The following HS3ST3A1 variants were observed in gnomAD, a reference collection of about 807,000 sequenced individuals.
HS3ST3A1 encodes heparan sulfate-glucosamine 3-sulfotransferase 3A1.
HS3ST3A1 carries 19 observed loss-of-function variants against 25.7 expected under a neutral mutation model. The ratio of observed to expected loss-of-function variants is 0.74; its 90% CI spans 0.52 to 1.08. The LOEUF is 1.08. Among genes scored for constraint, HS3ST3A1 ranks in the 50% least tolerant of loss-of-function variants. HS3ST3A1 has a pLI of 0.00. For synonymous variants in HS3ST3A1, 226 were observed against 278.6 expected, an observed-to-expected ratio of 0.81 and a Z score of 1.88; for missense variants, 459 against 594.3, an observed-to-expected ratio of 0.77 and a Z score of 2.37.
At chr17:13,560,546 A>T (rs992584663) in intron 1 of HS3ST3A1, among the ~76,000 whole-genome samples, 3 of 152,236 alleles carry the variant, frequency 2.0e-5, no homozygotes, top group African/African-American at 7.2e-5. Flanking sequence ...ATGGAGGAAA[A>T]CAAATTTTAT....
At chr17:13,546,390 C>T (rs1002017104) in intron 1 of HS3ST3A1, among the ~76,000 whole-genome samples, 2 of 152,048 alleles carry the variant, frequency 1.3e-5, no homozygotes, top group Admixed American at 6.5e-5. Flanking sequence ...CTCAGCCTCT[C>T]GAGAAGCTGA....
chr17:13,526,766 G>A (rs575466382), intron 1 of HS3ST3A1, among the ~76,000 whole-genome samples: 241 of 151,894 alleles, frequency 1.6e-3, no homozygotes, highest in Non-Finnish European at 3.1e-3. Flanking sequence ...TCCTGCCTCA[G>A]CCTCCCGAGT....
chr17:13,600,700 G>A lies in HS3ST3A1; in HGVS notation c.430C>T (p.Leu144Phe), dbSNP rs868444093. The change falls in exon 1 of 2, where the codon CTC (leucine) becomes TTC (phenylalanine). Residue 144 changes from leucine to phenylalanine, a missense_variant. Leu to Phe is a conservative substitution (Grantham distance 22). Transcript: ENST00000284110. Reference protein sequence around the residue: ...AEAPPGTLALLLDEGSKQLPQ... With the variant: ...AEAPPGTLALFLDEGSKQLPQ... ...AGCTGCTTGCTGCCTTCGTCCAGGA[G>A]CAGCGCCAGGGTCCCCGGCGGGGCC... 1 of 1,572,408 alleles carries A rather than the reference G, an allele frequency of 6.4e-7. No homozygotes were observed. The highest frequency in any genetic ancestry group is 1.4e-5 in the African/African-American group (1 of 73,760).
At chr17:13,556,269 A>T (rs1907369983) in intron 1 of HS3ST3A1, among the ~76,000 whole-genome samples, 1 of 152,116 alleles carries the variant, frequency 6.6e-6, no homozygotes, top group Admixed American at 6.5e-5. Context: ...GCACTTTGGG[A>T]GGCCGGGGCG....
At chr17:13,597,831 TCAG>T (rs1213019409) in intron 1 of HS3ST3A1, among the ~76,000 whole-genome samples, 1 of 152,218 alleles carries the variant, frequency 6.6e-6, no homozygotes, top group East Asian at 1.9e-4. Context: ...CTGAAAAAGT[TCAG>T]CAACAGGTAT....
At chr17:13,591,435 G>A (rs1441931011) in intron 1 of HS3ST3A1, among the ~76,000 whole-genome samples, 2 of 151,968 alleles carry the variant, frequency 1.3e-5, no homozygotes, top group Non-Finnish European at 2.9e-5. Flanking sequence ...TAATAAATGG[G>A]GGAAAAATCA....
chr17:13,513,664 A>G (rs1228905181), intron 1 of HS3ST3A1, among the ~76,000 whole-genome samples: 1 of 152,220 alleles, frequency 6.6e-6, no homozygotes, highest in East Asian at 1.9e-4. Flanking sequence ...TCTTGTCATT[A>G]ATTACACATC....
chr17:13,587,347 G>A (rs1198552751), intron 1 of HS3ST3A1, among the ~76,000 whole-genome samples: 11 of 152,104 alleles, frequency 7.2e-5, no homozygotes, highest in Non-Finnish European at 7.4e-5. Context: ...CCAGCTACTC[G>A]GGAGGCCGAG....
intron 1 of HS3ST3A1, among the ~76,000 whole-genome samples, chr17:13,576,586 T>C (rs745678668): frequency 6.6e-5 from 10 of 152,242 alleles, no homozygotes; most frequent in Non-Finnish European, 5.9e-5. Flanking sequence ...AGGAGGATTA[T>C]GCTTCAATTA....
chr17:13,550,113 A>G (rs1023190037), intron 1 of HS3ST3A1, among the ~76,000 whole-genome samples: 1 of 152,248 alleles, frequency 6.6e-6, no homozygotes, highest in Admixed American at 6.5e-5. Flanking sequence ...CACAGCATAT[A>G]CAAGTTTATG....
chr17:13,519,614 A>G (rs994451556), intron 1 of HS3ST3A1, among the ~76,000 whole-genome samples: 1 of 152,208 alleles, frequency 6.6e-6, no homozygotes, highest in African/African-American at 2.4e-5. Flanking sequence ...GCCAACTGCT[A>G]CATGATCTAT....
chr17:13,571,133 G>A (rs1907796764), intron 1 of HS3ST3A1, among the ~76,000 whole-genome samples: 1 of 152,120 alleles, frequency 6.6e-6, no homozygotes. Flanking sequence ...GGGAGGAAGG[G>A]GGCTTTGCAA....
intron 1 of HS3ST3A1, among the ~76,000 whole-genome samples, chr17:13,578,958 T>A (rs1367835779): frequency 3.3e-5 from 5 of 152,338 alleles, no homozygotes; most frequent in African/African-American, 1.2e-4. Context: ...TGCAGCTACC[T>A]AGGAAAACAT....
At chr17:13,544,672 C>T (rs1265543357) in intron 1 of HS3ST3A1, among the ~76,000 whole-genome samples, 1 of 152,038 alleles carries the variant, frequency 6.6e-6, no homozygotes, top group Non-Finnish European at 1.5e-5. Context: ...TCTCCCCGCA[C>T]CCTGCTCCTT....
intron 1 of HS3ST3A1, among the ~76,000 whole-genome samples, chr17:13,516,760 C>T (rs1216145982): frequency 3.9e-5 from 6 of 152,158 alleles, no homozygotes; most frequent in African/African-American, 7.2e-5. Context: ...CCCATTAAAT[C>T]AAACAGATCA....
chr17:13,532,476 C>T (rs947382478), intron 1 of HS3ST3A1, among the ~76,000 whole-genome samples: 10 of 151,878 alleles, frequency 6.6e-5, no homozygotes, highest in African/African-American at 2.4e-4. Context: ...CAAAGCCTAG[C>T]GCTTCAGGAG....
intron 1 of HS3ST3A1, among the ~76,000 whole-genome samples, chr17:13,510,983 A>T (rs769403516): frequency 1.3e-5 from 2 of 152,250 alleles, no homozygotes; most frequent in Non-Finnish European, 2.9e-5. Flanking sequence ...TAATAATGTC[A>T]TCATGAAATG....
intron 1 of HS3ST3A1, among the ~76,000 whole-genome samples, chr17:13,519,472 A>G (rs1358805799): frequency 2.0e-5 from 3 of 152,188 alleles, no homozygotes; most frequent in African/African-American, 7.2e-5. Context: ...AGGAACAGCC[A>G]TATAAGAAAC....
At chr17:13,591,896 G>C (rs1908436131) in intron 1 of HS3ST3A1, among the ~76,000 whole-genome samples, 1 of 152,134 alleles carries the variant, frequency 6.6e-6, no homozygotes, top group South Asian at 2.1e-4. Flanking sequence ...CTGCCCTCAA[G>C]TGATCTGCCT....
Sources: allele counts gnomAD v4.1 joint callset (sites outside exome capture counted in the v4.1 genomes callset), GRCh38; gene constraint gnomAD v4.1.1; transcripts MANE v1.5; gene names NCBI Gene and HGNC (gene_info 2026-07-23, HGNC 2026-07-21).